The following NSUN6 variants were observed in gnomAD, a reference collection of about 807,000 sequenced individuals.
NSUN6 encodes the protein tRNA (cytosine(72)-C(5))-methyltransferase NSUN6.
Under a neutral mutation model 58.0 loss-of-function variants are expected in NSUN6, and 64 were observed. The observed-to-expected ratio is 1.10, with a 90% CI of 0.90 to 1.36. NSUN6 has a LOEUF of 1.36. Ranked by LOEUF, NSUN6 falls within the 40% of genes most tolerant of loss-of-function variation. NSUN6 has a pLI of 0.00. For synonymous variants in NSUN6, 231 were observed against 193.9 expected (o/e 1.19, Z -1.59); for missense variants, 701 against 550.1 (o/e 1.27, Z -2.74).
At chr10:18,572,345 A>G (rs1404561953) in intron 8 of NSUN6, among the ~76,000 whole-genome samples, 1 of 147,246 alleles carries the variant, frequency 6.8e-6, no homozygotes, top group African/African-American at 2.5e-5. Context: ...TCTCCATTCC[A>G]ATCCACATTC....
At chr10:18,569,142 T>C (rs2056181808) in intron 8 of NSUN6, among the ~76,000 whole-genome samples, 1 of 150,800 alleles carries the variant, frequency 6.6e-6, no homozygotes, top group South Asian at 2.1e-4. Flanking sequence ...CCATTCCCCA[T>C]TCCACTGCAT....
At chr10:18,613,746 C>A (rs1333553731) in intron 5 of NSUN6, among the ~76,000 whole-genome samples, 1 of 152,068 alleles carries the variant, frequency 6.6e-6, no homozygotes, top group Non-Finnish European at 1.5e-5. Context: ...AATTACAAAC[C>A]CAAACTGTTG....
chr10:18,617,810 C>T (rs535813530), intron 3 of NSUN6, among the ~76,000 whole-genome samples: 1 of 152,188 alleles, frequency 6.6e-6, no homozygotes, highest in Non-Finnish European at 1.5e-5. Flanking sequence ...GTGCTCTGCC[C>T]TCATGAATGA....
chr10:18,624,647 C>CAAAAAAAAAAAAAA (rs10671283), intron 3 of NSUN6, among the ~76,000 whole-genome samples: 2 of 77,066 alleles, frequency 2.6e-5, no homozygotes, highest in African/African-American at 5.3e-5. Flanking sequence ...GACTCTGTCT[C>CAAAAAAAAAAAAAA]AAAAAAAAAA....
chr10:18,577,940 G>A (rs957869674), intron 8 of NSUN6, among the ~76,000 whole-genome samples: 3 of 152,208 alleles, frequency 2.0e-5, no homozygotes, highest in African/African-American at 7.2e-5. Flanking sequence ...GGAGCCATAC[G>A]CGTAAGGGAT....
intron 8 of NSUN6, among the ~76,000 whole-genome samples, chr10:18,570,949 T>G (rs377743134): frequency 6.6e-6 from 1 of 150,490 alleles, no homozygotes. Flanking sequence ...ACATTCCATG[T>G]TCTCTTTTCT....
At chr10:18,649,630 A>AG (rs1240895877) in intron 1 of NSUN6, among the ~76,000 whole-genome samples, 1 of 150,460 alleles carries the variant, frequency 6.6e-6, no homozygotes, top group East Asian at 1.9e-4. Context: ...CCTGTCTCAA[A>AG]AAAAAAAAAA....
chr10:18,547,018 T>C (rs1288415443), intron 10 of NSUN6, among the ~76,000 whole-genome samples: 1 of 152,084 alleles, frequency 6.6e-6, no homozygotes, highest in Non-Finnish European at 1.5e-5. Flanking sequence ...TTTCCAAAAC[T>C]GAAAGGTGGT....
chr10:18,645,157 C>CAAAAAAAA (rs71402191), intron 2 of NSUN6, among the ~76,000 whole-genome samples: 1 of 106,302 alleles, frequency 9.4e-6, no homozygotes, highest in African/African-American at 3.5e-5. Context: ...GACTCCCTCT[C>CAAAAAAAA]AAAAAAAAAA....
intron 2 of NSUN6, among the ~76,000 whole-genome samples, chr10:18,644,569 G>A (rs2059485294): frequency 6.6e-6 from 1 of 151,700 alleles, no homozygotes; most frequent in Non-Finnish European, 1.5e-5. Context: ...GGGCGCAGTG[G>A]CTCATGCCTG....
intron 8 of NSUN6, among the ~76,000 whole-genome samples, chr10:18,579,770 A>C (rs2056824279): frequency 6.6e-6 from 1 of 152,180 alleles, no homozygotes; most frequent in Admixed American, 6.5e-5. Context: ...AGAGGGTTGC[A>C]TTCTTTTGAG....
chr10:18,602,160 T>G (rs1319779223), intron 6 of NSUN6, among the ~76,000 whole-genome samples: 1 of 151,428 alleles, frequency 6.6e-6, no homozygotes, highest in Non-Finnish European at 1.5e-5. Flanking sequence ...CCTCCCAGGT[T>G]CAACTGATTC....
At chr10:18,622,906 T>C (rs1474200296) in intron 3 of NSUN6, among the ~76,000 whole-genome samples, 1 of 152,234 alleles carries the variant, frequency 6.6e-6, no homozygotes, top group African/African-American at 2.4e-5. Flanking sequence ...ACAGAAATTC[T>C]TTAAAATTAC....
At chr10:18,595,819 ATGTTTATAT>A (rs2057563416) in intron 7 of NSUN6, among the ~76,000 whole-genome samples, 1 of 152,176 alleles carries the variant, frequency 6.6e-6, no homozygotes, top group Non-Finnish European at 1.5e-5. Context: ...TTATACAACT[ATGTTTATAT>A]ATTTTAACAT....
chr10:18,624,402 G>A (rs1469941960), intron 3 of NSUN6, among the ~76,000 whole-genome samples: 7 of 151,970 alleles, frequency 4.6e-5, no homozygotes, highest in Admixed American at 3.9e-4. Flanking sequence ...TGGGCTGGGT[G>A]CGGTGGCTCA....
intron 9 of NSUN6, among the ~76,000 whole-genome samples, chr10:18,550,136 T>C (rs767142936): frequency 2.0e-5 from 3 of 152,232 alleles, no homozygotes; most frequent in Non-Finnish European, 4.4e-5. Flanking sequence ...AGATCATTCA[T>C]CTACTCCTAG....
intron 4 of NSUN6, 38 bp downstream of exon 4, chr10:18,616,146 T>C (rs2058401446): frequency 1.8e-6 from 2 of 1,135,386 alleles, no homozygotes; most frequent in Non-Finnish European, 1.3e-6. Flanking sequence ...ACATAAATTT[T>C]AGAGAACCTT....
At chr10:18,624,887 ACAAG>A (rs1419259694) in intron 3 of NSUN6, among the ~76,000 whole-genome samples, 1 of 152,106 alleles carries the variant, frequency 6.6e-6, no homozygotes, top group Non-Finnish European at 1.5e-5. Context: ...TAAACTCTGT[ACAAG>A]CAAGGTACAA....
chr10:18,575,891 T>G (rs2056623261), intron 8 of NSUN6, among the ~76,000 whole-genome samples: 1 of 152,198 alleles, frequency 6.6e-6, no homozygotes. Context: ...GGTCTATTAG[T>G]ACAGGCGCTG....
Sources: gnomAD v4.1 joint callset for allele counts (sites outside exome capture counted in the v4.1 genomes callset) on GRCh38, gnomAD v4.1.1 for gene constraint, MANE v1.5 for transcripts, NCBI Gene and HGNC (gene_info 2026-07-23, HGNC 2026-07-21) for gene names.